KCNJ6: variants seen among roughly 807,000 people sequenced by gnomAD.
KCNJ6 encodes potassium inwardly rectifying channel subfamily J member 6.
KCNJ6 carries 9 observed loss-of-function variants against 34.2 expected under a neutral mutation model. The ratio of observed to expected loss-of-function variants is 0.26; its 90% CI spans 0.16 to 0.46. The LOEUF (loss-of-function observed/expected upper bound fraction) is 0.46. Among genes scored for constraint, KCNJ6 ranks in the 20% least tolerant of loss-of-function variants. The pLI is 1.00. For synonymous variants in KCNJ6, 196 were observed against 207.1 expected, an observed-to-expected ratio of 0.95 and a Z score of 0.46; for missense variants, 236 against 531.3, an observed-to-expected ratio of 0.44 and a Z score of 5.46.
chr21:37,846,779 GTA>G (rs2055510815), intron 1 of KCNJ6, among the ~76,000 whole-genome samples: 1 of 152,130 alleles, frequency 6.6e-6, no homozygotes, highest in South Asian at 2.1e-4. Flanking sequence ...TATGAACTTA[GTA>G]TCCTCAACAG....
rs1220970752 is a variant in KCNJ6 at position 37,612,663 on chromosome 21, G to A, written c.*12496C>T. On this transcript the variant is annotated 3_prime_UTR_variant, in exon 4 of 4. Transcript: ENST00000609713. ...CAAAGGAGCACAGGCAAAACAGTGC[G>A]GCAAAGAGGGTCTTTTCAACAAACG... The A allele has an allele frequency of 2.0e-5, 3 of 150,918 alleles. No individual in the cohort carries two copies. The highest frequency in any genetic ancestry group is 7.3e-5 in the African/African-American group (3 of 41,070). 9.3% of individuals were successfully genotyped at this position (150,918 alleles called of 1,614,324 possible). A position where few individuals can be genotyped will look rare whatever the true frequency, so the allele number is the denominator to read the frequency against.
intron 1 of KCNJ6, among the ~76,000 whole-genome samples, chr21:37,881,174 A>G (rs1453863936): frequency 2.0e-5 from 3 of 152,198 alleles, no homozygotes; most frequent in Non-Finnish European, 4.4e-5. Flanking sequence ...GCCTAGCACA[A>G]GCTGGGATGC....
At chr21:37,724,938 T>TA (rs562651229) in intron 2 of KCNJ6, among the ~76,000 whole-genome samples, 1 of 152,020 alleles carries the variant, frequency 6.6e-6, no homozygotes, top group Non-Finnish European at 1.5e-5. Context: ...TAAGATGTCT[T>TA]AAAAAAAATT....
In KCNJ6 at chr21:37,609,243, CCTG is replaced by C. The variant is rs2054234331; in HGVS notation, c.*15913_*15915del. The C allele has an allele frequency of 6.6e-6, 1 of 152,176 alleles. No individual in the cohort carries two copies. Among genetic ancestry groups the C allele is most frequent in the South Asian group, 2.1e-4 (1 of 4,830 alleles). The allele number at this position is 152,176 out of a possible 1,614,324, so 9.4% of individuals were successfully genotyped here. A position where few individuals can be genotyped will look rare whatever the true frequency, so the allele number is the denominator to read the frequency against. ...TCAGCTTGGGGACCCAATTCTGACA[CCTG>C]CTGGGCTTTGCTTTCTTTGCTTAAC... On this transcript the variant is annotated 3_prime_UTR_variant, in exon 4 of 4. Coordinates refer to ENST00000609713, the MANE Select transcript of KCNJ6 (RefSeq NM_002240.5).
chr21:37,805,914 T>A (rs1167465134), intron 2 of KCNJ6, among the ~76,000 whole-genome samples: 4 of 152,206 alleles, frequency 2.6e-5, no homozygotes, highest in African/African-American at 9.6e-5. Context: ...AGCGACAGCA[T>A]GACCCTGTTG....
intron 1 of KCNJ6, among the ~76,000 whole-genome samples, chr21:37,850,384 G>T (rs896750251): frequency 3.9e-5 from 6 of 152,124 alleles, no homozygotes; most frequent in African/African-American, 1.4e-4. Flanking sequence ...TGAGCAGTAG[G>T]TGAGCATTTC....
At chr21:37,836,648 CA>C (rs2055453105) in intron 2 of KCNJ6, among the ~76,000 whole-genome samples, 1 of 152,118 alleles carries the variant, frequency 6.6e-6, no homozygotes, top group Non-Finnish European at 1.5e-5. Flanking sequence ...AACGGGAAAC[CA>C]AACACTGCAT....
intron 2 of KCNJ6, among the ~76,000 whole-genome samples, chr21:37,802,925 C>T (rs1000308631): frequency 6.6e-6 from 1 of 152,122 alleles, no homozygotes; most frequent in Admixed American, 6.5e-5. Flanking sequence ...AAATACTCGA[C>T]TCTCCTGCCA....
rs149701285 is a variant in KCNJ6 at position 37,641,003 on chromosome 21, G to A, written c.947-15519C>T. On this transcript the variant is annotated intron_variant, in intron 3 of 3. Coordinates refer to ENST00000609713, the MANE Select transcript of KCNJ6 (RefSeq NM_002240.5). The stretch of plus-strand genomic sequence containing the variant: ...TAAGTGCGTGCATGCATGTAATGGG[G>A]AGGAGGTTTAAGAAAAAGTAGGGAA... Among the ~76,000 whole-genome samples the A allele has an allele frequency of 3.2e-3, 486 of 152,338 alleles. 5 individuals carry two copies. The highest frequency in any genetic ancestry group is 0.01 in the African/African-American group (431 of 41,570).
intron 3 of KCNJ6, among the ~76,000 whole-genome samples, chr21:37,642,271 G>T (rs990336615): frequency 6.6e-6 from 1 of 152,116 alleles, no homozygotes; most frequent in Non-Finnish European, 1.5e-5. Flanking sequence ...AGGAGACAAA[G>T]CCTGTGAAAA....
chr21:37,809,842 C>T (rs534957906), intron 2 of KCNJ6, among the ~76,000 whole-genome samples: 1 of 152,316 alleles, frequency 6.6e-6, no homozygotes, highest in African/African-American at 2.4e-5. Flanking sequence ...CCATGTCAGA[C>T]TGTCATGGAC....
rs568864679 is a variant in KCNJ6, at chr21:37,780,695, A to G, written c.25+59963T>C. Among the ~76,000 whole-genome samples the G allele has an allele frequency of 3.3e-5, 5 of 152,332 alleles. No homozygotes were observed. In the East Asian group the frequency reaches 7.7e-4, roughly 23 times the overall value. ...AGCATGAAATACTAGGTTTTATTTA[A>G]TTGTACATTTTAAAATAACTAAAAG... On this transcript the variant is annotated intron_variant, in intron 2 of 3. Coordinates refer to ENST00000609713, the MANE Select transcript of KCNJ6 (RefSeq NM_002240.5).
intron 2 of KCNJ6, among the ~76,000 whole-genome samples, chr21:37,758,265 T>C (rs1412235181): frequency 6.6e-6 from 1 of 152,202 alleles, no homozygotes; most frequent in Non-Finnish European, 1.5e-5. Context: ...CCTGTAACTT[T>C]ATTATCTTTA....
intron 3 of KCNJ6, among the ~76,000 whole-genome samples, chr21:37,673,234 T>C (rs1319445353): frequency 6.6e-6 from 1 of 152,240 alleles, no homozygotes; most frequent in Non-Finnish European, 1.5e-5. Context: ...TCTAGGGCTA[T>C]GGCCGATAGG....
At chr21:37,762,246 A>C (rs1391994287) in intron 2 of KCNJ6, among the ~76,000 whole-genome samples, 1 of 152,100 alleles carries the variant, frequency 6.6e-6, no homozygotes, top group Non-Finnish European at 1.5e-5. Flanking sequence ...GTGTCCCCGC[A>C]CTTAGCATCC....
chr21:37,910,935 A>G (rs2055864199), intron 1 of KCNJ6, among the ~76,000 whole-genome samples: 1 of 152,226 alleles, frequency 6.6e-6, no homozygotes, highest in African/African-American at 2.4e-5. Context: ...GTTTTGTTTA[A>G]ACAATGATTC....
chr21:37,799,645 T>C (rs963834784), intron 2 of KCNJ6, among the ~76,000 whole-genome samples: 2 of 152,212 alleles, frequency 1.3e-5, no homozygotes, highest in Admixed American at 6.5e-5. Context: ...TAAAAAGATA[T>C]AAACACTCAG....
chr21:37,756,050 T>C (rs1165834406), intron 2 of KCNJ6, among the ~76,000 whole-genome samples: 3 of 152,282 alleles, frequency 2.0e-5, no homozygotes, highest in East Asian at 3.9e-4. Context: ...CCAGGTTCTG[T>C]GGATGGATGG....
In KCNJ6 at chr21:37,804,657, G is replaced by A. The variant is rs1018100840; in HGVS notation, c.25+36001C>T. Among the ~76,000 whole-genome samples, 4 of 152,132 alleles carry A rather than the reference G, an allele frequency of 2.6e-5. No individual in the cohort carries two copies. The East Asian group carries it at 5.8e-4, about 22-fold the overall frequency. On this transcript the variant is annotated intron_variant, in intron 2 of 3. Transcript: ENST00000609713. ...ATTATCATTTAGCTCCCCCTTATAAGTGAGAACATGCGGTATTTGGTTTTC... is the reference window on the plus strand; with the variant it reads ...ATTATCATTTAGCTCCCCCTTATAAATGAGAACATGCGGTATTTGGTTTTC...
Sources: allele counts gnomAD v4.1 joint callset (sites outside exome capture counted in the v4.1 genomes callset), GRCh38; gene constraint gnomAD v4.1.1; transcripts MANE v1.5; gene names NCBI Gene and HGNC (gene_info 2026-07-23, HGNC 2026-07-21).